ST3GAL5: variants seen among roughly 807,000 people sequenced by gnomAD.
ST3GAL5 encodes ST3 beta-galactoside alpha-2,3-sialyltransferase 5.
Under a neutral mutation model 46.1 loss-of-function variants are expected in ST3GAL5, and 25 were observed. The observed-to-expected ratio is 0.54, with a 90% CI of 0.40 to 0.76. The LOEUF is 0.76. ST3GAL5 is among the 30% of genes least tolerant of loss of function. The pLI is 0.00. For synonymous variants in ST3GAL5, 182 were observed against 192.7 expected (o/e 0.94, Z 0.46); for missense variants, 431 against 521.2 (o/e 0.83, Z 1.69).
chr2:85,860,143 G>C (rs1171483112), intron 3 of ST3GAL5, among the ~76,000 whole-genome samples: 1 of 152,202 alleles, frequency 6.6e-6, no homozygotes, highest in Non-Finnish European at 1.5e-5. Flanking sequence ...CCAGGAATGT[G>C]ATGAAAGTTA....
intron 1 of ST3GAL5, among the ~76,000 whole-genome samples, chr2:85,882,368 G>A (rs948938770): frequency 3.9e-5 from 6 of 152,134 alleles, no homozygotes; most frequent in African/African-American, 9.7e-5. Context: ...AGCTTGTACC[G>A]TGTGCCTGGA....
chr2:85,887,731 C>T (rs1316375118), intron 1 of ST3GAL5: 2 of 152,264 alleles, frequency 1.3e-5, no homozygotes, highest in Non-Finnish European at 2.9e-5. Flanking sequence ...ATGGATTCCT[C>T]TTCCACAGTT....
chr2:85,862,521 G>GGT (rs1252832685), intron 2 of ST3GAL5, among the ~76,000 whole-genome samples: 2 of 152,122 alleles, frequency 1.3e-5, no homozygotes, highest in Non-Finnish European at 2.9e-5. Flanking sequence ...AAAAGAAAAG[G>GGT]GTGTGAAGGC....
At chr2:85,876,652 G>A (rs540646160) in intron 1 of ST3GAL5, among the ~76,000 whole-genome samples, 7 of 151,840 alleles carry the variant, frequency 4.6e-5, no homozygotes, top group South Asian at 2.1e-4. Flanking sequence ...TAGTAGAGAC[G>A]GGGTTTCACC....
intron 1 of ST3GAL5, among the ~76,000 whole-genome samples, chr2:85,867,341 T>C (rs1041724020): frequency 3.9e-5 from 6 of 152,142 alleles, no homozygotes; most frequent in Admixed American, 6.5e-5. Context: ...TTTAATGAGA[T>C]CCTGGGACAT....
intron 1 of ST3GAL5, among the ~76,000 whole-genome samples, chr2:85,875,931 TG>T (rs1315176524): frequency 1.3e-5 from 2 of 152,180 alleles, no homozygotes; most frequent in East Asian, 3.9e-4. Context: ...ACCTGCCGCC[TG>T]CTCCCCTCCC....
At chr2:85,848,576 T>G in intron 3 of ST3GAL5, 1 of 416,384 alleles carries the variant, frequency 2.4e-6, no homozygotes, top group Non-Finnish European at 4.4e-6. Flanking sequence ...TAGTTAAACT[T>G]TGAGGACATT....
At position 85,870,340 on chromosome 2, in the gene ST3GAL5, C is replaced by T. The variant is rs77696467; in HGVS notation, c.83-6855G>A. ...CAGTTTCTTATGAGGGTTTCGGAGG[C>T]GATGGTGGTTATAGGCCTTCCTCCA... On this transcript the variant is annotated intron_variant, in intron 1 of 6. Transcript: ENST00000638572. The T allele has an allele frequency of 2.9e-4, 128 of 442,478 alleles. 1 individual carries two copies. The East Asian group carries it at 8.6e-3, about 30-fold the overall frequency. The allele number at this position is 442,478 out of a possible 1,614,324, so 27.4% of individuals were successfully genotyped here. A position where few individuals can be genotyped will look rare whatever the true frequency, so the allele number is the denominator to read the frequency against.
At chr2:85,853,158 C>G in intron 3 of ST3GAL5, 1 of 1,105,048 alleles carries the variant, frequency 9.0e-7, no homozygotes, top group Non-Finnish European at 1.2e-6. Flanking sequence ...CAAACCGAAA[C>G]TGACATCAAC....
intron 1 of ST3GAL5, among the ~76,000 whole-genome samples, chr2:85,874,636 TTC>T (rs1453452398): frequency 6.6e-6 from 1 of 152,124 alleles, no homozygotes; most frequent in African/African-American, 2.4e-5. Flanking sequence ...TATTTGCCTA[TTC>T]TCTGCTCTCC....
chr2:85,865,622 G>A (rs527731198), intron 1 of ST3GAL5, among the ~76,000 whole-genome samples: 76 of 152,282 alleles, frequency 5.0e-4, no homozygotes, highest in Admixed American at 9.2e-4. Flanking sequence ...GAATCAGCAG[G>A]CTACCTGTAG....
rs111335390 is a variant in ST3GAL5 at position 85,840,090 on chromosome 2, G to A, written c.*54C>T. 7.1e-4 allele frequency: 1,150 copies of A among 1,613,490 alleles called. 3 individuals are homozygous for A. The African/African-American group carries it at 0.012, about 17-fold the overall frequency. ...GATGGAGAAATACATCAAGAAGGCTGTCAAAAACAGCTCTCAGAGTTAGAG... is the reference window on the plus strand; with the variant it reads ...GATGGAGAAATACATCAAGAAGGCTATCAAAAACAGCTCTCAGAGTTAGAG... On this transcript the variant is annotated 3_prime_UTR_variant, in exon 7 of 7. Transcript: ENST00000638572.
intron 2 of ST3GAL5, among the ~76,000 whole-genome samples, chr2:85,862,082 T>C (rs1397959017): frequency 6.6e-6 from 1 of 152,080 alleles, no homozygotes; most frequent in Admixed American, 6.6e-5. Flanking sequence ...TTATACATAA[T>C]AGATGCAAAA....
chr2:85,879,359 A>C (rs1686913809), intron 1 of ST3GAL5, among the ~76,000 whole-genome samples: 1 of 152,180 alleles, frequency 6.6e-6, no homozygotes, highest in South Asian at 2.1e-4. Context: ...GGGGAGTCGC[A>C]GGGGAGAAGG....
At chr2:85,876,444 CTTTTCT>C (rs1200310825) in intron 1 of ST3GAL5, among the ~76,000 whole-genome samples, 1 of 143,766 alleles carries the variant, frequency 7.0e-6, no homozygotes, top group African/African-American at 2.5e-5. Flanking sequence ...ACCCTGTTTT[CTTTTCT>C]TTTTCTTTTT....
chr2:85,876,609 C>T (rs549699364), intron 1 of ST3GAL5, among the ~76,000 whole-genome samples: 5 of 151,988 alleles, frequency 3.3e-5, no homozygotes, highest in South Asian at 2.1e-4. Context: ...ATTATAGGTG[C>T]GTGCCACCGC....
intron 1 of ST3GAL5, among the ~76,000 whole-genome samples, chr2:85,882,851 T>G (rs956259568): frequency 3.1e-5 from 3 of 96,722 alleles, no homozygotes; most frequent in African/African-American, 7.3e-5. Flanking sequence ...AAAAAAAAAT[T>G]GACTGCTCCA....
Position 85,848,123 on chromosome 2 carries a change from C to G in ST3GAL5, c.400G>C (p.Glu134Gln), listed in dbSNP as rs753248662. 6.2e-7 allele frequency: 1 copy of G among 1,614,200 alleles called. No individual in the cohort carries two copies. The highest frequency in any genetic ancestry group is 2.2e-5 in the East Asian group (1 of 44,886). The change falls in exon 4 of 7, where the codon GAG becomes CAG. Residue 134 changes from glutamate to glutamine, a missense_variant. By Grantham distance (29) the Glu-to-Gln change is conservative (BLOSUM62 2). Transcript: ENST00000638572. ...AGTAAGTCCACGCTATACCTGTGCT[C>G]AAATAACAGCGCCATTGATGTCTTG... ...FAKTSMALLF[E>Q]HRYSVDLLPF...
At chr2:85,881,385 G>T (rs1308609227) in intron 1 of ST3GAL5, among the ~76,000 whole-genome samples, 1 of 152,212 alleles carries the variant, frequency 6.6e-6, no homozygotes, top group Non-Finnish European at 1.5e-5. Context: ...TGTGTAACAG[G>T]CAGAGATTGG....
Sources: gnomAD v4.1 joint callset for allele counts (sites outside exome capture counted in the v4.1 genomes callset) on GRCh38, gnomAD v4.1.1 for gene constraint, MANE v1.5 for transcripts, NCBI Gene and HGNC (gene_info 2026-07-23, HGNC 2026-07-21) for gene names.